DNAH14: variants seen among roughly 807,000 people sequenced by gnomAD.
The protein encoded by DNAH14 is axonemal beta dynein heavy chain 14.
DNAH14 carries 478 observed loss-of-function variants against 520.9 expected under a neutral mutation model. That is an observed-to-expected ratio of 0.92 (90% CI 0.85 to 0.99). The LOEUF (loss-of-function observed/expected upper bound fraction) is 0.99, where lower values mean the gene tolerates loss of function less well. DNAH14 is among the 50% of genes least tolerant of loss of function. The probability of loss-of-function intolerance (pLI) is 0.00; values close to 1 mark genes in which losing one functional copy is unlikely to be tolerated. For missense variants in DNAH14, 4,831 were observed against 5,234.5 expected (o/e 0.92, Z 2.38); for synonymous variants, 1,581 against 1,757.2 (o/e 0.90, Z 2.51).
chr1:225,197,836 T>A lies in DNAH14; in HGVS notation c.5886+4925T>A, dbSNP rs950677366. 1.2e-4 allele frequency among the ~76,000 whole-genome samples: 19 copies of A among 152,322 alleles called. No homozygotes were observed. The East Asian group carries it at 1.5e-3, about 12-fold the overall frequency. Reference sequence around the variant, plus strand: ...TTGAGTTCTTGATTTGATTCTCAGCTTGGTTACTGTTGGTGTATAGAAGAG... The same window carrying A: ...TTGAGTTCTTGATTTGATTCTCAGCATGGTTACTGTTGGTGTATAGAAGAG... On this transcript the variant is annotated intron_variant, in intron 38 of 85. Transcript: ENST00000682510.
chr1:225,018,993 T>G (rs2065436763), intron 10 of DNAH14, among the ~76,000 whole-genome samples: 1 of 152,126 alleles, frequency 6.6e-6, no homozygotes, highest in African/African-American at 2.4e-5. Context: ...CCATTGACAT[T>G]TTAACACAAC....
chr1:225,321,892 G>T (rs539868577), intron 61 of DNAH14, among the ~76,000 whole-genome samples: 63 of 152,152 alleles, frequency 4.1e-4, no homozygotes, highest in Non-Finnish European at 8.5e-4. Context: ...AAGAAGAAAT[G>T]AGAGCATGTG....
Position 225,335,355 on chromosome 1 carries a change from A to G in DNAH14, c.10080+1849A>G, listed in dbSNP as rs1377507875. 2.8e-5 allele frequency among the ~76,000 whole-genome samples: 2 copies of G among 72,714 alleles called. 1 individual carries two copies. The highest frequency in any genetic ancestry group is 5.6e-5 in the Non-Finnish European group (2 of 35,704). 47.7% of individuals were successfully genotyped at this position (72,714 alleles called of 152,430 possible). On this transcript the variant is annotated intron_variant, in intron 66 of 85. Transcript: ENST00000682510. ...CGTGTGTACATGTGTGTGTATATGCATATACACGTGTACATGTGTGTGTAT... is the reference window on the plus strand; with the variant it reads ...CGTGTGTACATGTGTGTGTATATGCGTATACACGTGTACATGTGTGTGTAT...
chr1:225,304,576 A>T (rs935042171), intron 57 of DNAH14, among the ~76,000 whole-genome samples: 2 of 152,154 alleles, frequency 1.3e-5, no homozygotes, highest in African/African-American at 2.4e-5. Context: ...AATAAATAAA[A>T]AATTTAAAGA....
chr1:225,149,811 G>C (rs1285709964), intron 31 of DNAH14, among the ~76,000 whole-genome samples: 1 of 150,942 alleles, frequency 6.6e-6, no homozygotes, highest in Non-Finnish European at 1.5e-5. Flanking sequence ...CCATGATGAT[G>C]GGTTTTTCTA....
intron 8 of DNAH14, 124 bp from the exon 9 acceptor site, chr1:225,002,659 A>G: frequency 1.1e-6 from 1 of 931,868 alleles, no homozygotes; most frequent in Non-Finnish European, 1.6e-6. Context: ...ATTATCGTTT[A>G]AAATGGGGTA....
At chr1:225,165,542 G>A (rs1011614107) in intron 35 of DNAH14, among the ~76,000 whole-genome samples, 2 of 148,508 alleles carry the variant, frequency 1.3e-5, no homozygotes, top group Non-Finnish European at 3.0e-5. Context: ...GGATTTTATA[G>A]ATTTTGTTTT....
rs1038034024 is a variant in DNAH14 at position 225,187,885 on chromosome 1, G to A, written c.5670+2460G>A. On this transcript the variant is annotated intron_variant, in intron 37 of 85. Coordinates refer to ENST00000682510, the MANE Select transcript of DNAH14 (RefSeq NM_001367479.1). ...ATCTGCAAATTTTTTTTCCTGTTTT[G>A]TGAGTTCTCTTTTCCCTTTCTTGAT... Among the ~76,000 whole-genome samples the A allele has an allele frequency of 3.3e-5, 5 of 151,506 alleles. No homozygotes were observed. In the East Asian group the frequency reaches 9.7e-4, roughly 29 times the overall value.
rs2073695507 is a variant in DNAH14, at chr1:225,085,795, T to C, written c.3573+6T>C. On this transcript the variant is annotated splice_donor_region_variant and intron_variant, in intron 21 of 85. Transcript: ENST00000682510. ...CCCACATTGGGCCCATTAAGGTAAG[T>C]ATTATGGCAAAGGAAAAATGTTTTC... 1 of 1,506,552 alleles carries C rather than the reference T, an allele frequency of 6.6e-7. No homozygotes were observed. The highest frequency in any genetic ancestry group is 1.3e-5 in the South Asian group (1 of 76,642). The allele number at this position is 1,506,552 out of a possible 1,614,324, so 93.3% of individuals were successfully genotyped here.
In DNAH14 at chr1:225,290,645, GTGTATATATATATATA is replaced by G. The variant is rs1445607182; in HGVS notation, c.8469+565_8469+580del. 3.0e-4 allele frequency among the ~76,000 whole-genome samples: 12 copies of G among 40,582 alleles called. No individual in the cohort carries two copies. In the South Asian group the frequency reaches 4.9e-3, roughly 16 times the overall value. The allele number at this position is 40,582 out of a possible 152,430, so 26.6% of individuals were successfully genotyped here. A position where few individuals can be genotyped will look rare whatever the true frequency, so the allele number is the denominator to read the frequency against. On this transcript the variant is annotated intron_variant, in intron 55 of 85. Transcript: ENST00000682510. ...TGTATAGATATATGTGTGTGTGTGT[GTGTATATATATATATA>G]TATATATATATATATATATATATAT...
At chr1:225,288,861 G>T (rs2093804734) in intron 54 of DNAH14, among the ~76,000 whole-genome samples, 1 of 152,100 alleles carries the variant, frequency 6.6e-6, no homozygotes, top group Admixed American at 6.6e-5. Flanking sequence ...CAGTGCTTGT[G>T]GGAATGTAAA....
At chr1:225,364,962 T>C (rs191082017) in intron 76 of DNAH14, 68 bp downstream of exon 76, 97 of 1,114,342 alleles carry the variant, frequency 8.7e-5, no homozygotes, top group Non-Finnish European at 1.1e-4. Context: ...TCATCTTACA[T>C]TCAAAACTCT....
At chr1:225,355,634 C>A (rs1169443529) in intron 73 of DNAH14, among the ~76,000 whole-genome samples, 1 of 151,910 alleles carries the variant, frequency 6.6e-6, no homozygotes, top group Admixed American at 6.6e-5. Context: ...AGTTTTTAAG[C>A]AAAAATAACT....
At chr1:225,234,534 T>C (rs1261078556) in intron 42 of DNAH14, among the ~76,000 whole-genome samples, 1 of 152,208 alleles carries the variant, frequency 6.6e-6, no homozygotes, top group Non-Finnish European at 1.5e-5. Context: ...TCAGGCTCTT[T>C]TTTGGTTCCA....
In DNAH14 at chr1:225,346,065, T is replaced by A. The variant is rs1316212762; in HGVS notation, c.10782T>A (p.Ser3594Arg). 1.9e-6 allele frequency: 3 copies of A among 1,551,586 alleles called. No individual in the cohort carries two copies. The South Asian group carries it at 3.6e-5, about 18-fold the overall frequency. The change falls in exon 70 of 86, where the codon AGT (serine) becomes AGA (arginine). Residue 3594 changes from serine (S) to arginine (R), a missense_variant. Transcript: ENST00000682510. ...KRIEATKKAE[S>R]EIQAIRKNYL... The stretch of plus-strand genomic sequence containing the variant: ...TCGAAGCAACAAAAAAAGCTGAAAG[T>A]GAAATCCAAGCAATACGTAAAAACT...
At position 225,289,968 on chromosome 1, in the gene DNAH14, A is replaced by G. The variant is rs1008466722; in HGVS notation, c.8355A>G (p.Ile2785Met). Residue 2785 changes from isoleucine to methionine, a missense_variant, in exon 55 of 86, where the codon ATA (isoleucine) becomes ATG (methionine). Ile to Met is a conservative substitution (Grantham distance 10). Transcript: ENST00000682510. ...LTDNKLYRVP[I>M]SHKCAYIEFK... ...ATAATAAACTATACCGAGTGCCTATATCTCACAAATGTGCCTACATCGAAT... is the reference window on the plus strand; with the variant it reads ...ATAATAAACTATACCGAGTGCCTATGTCTCACAAATGTGCCTACATCGAAT... The G allele has an allele frequency of 6.5e-7, 1 of 1,542,630 alleles. No homozygotes were observed. Among genetic ancestry groups the G allele is most frequent in the African/African-American group, 1.4e-5 (1 of 72,834 alleles).
chr1:225,094,220 T>C (rs2074674280), intron 21 of DNAH14, among the ~76,000 whole-genome samples: 1 of 152,050 alleles, frequency 6.6e-6, no homozygotes, highest in African/African-American at 2.4e-5. Flanking sequence ...TCACCTAACT[T>C]CAAACTATAC....
chr1:225,219,304 A>T (rs1193923138), intron 41 of DNAH14, among the ~76,000 whole-genome samples: 1 of 152,182 alleles, frequency 6.6e-6, no homozygotes, highest in East Asian at 1.9e-4. Context: ...GAAGACAAGA[A>T]ATAACTAAGA....
At chr1:224,968,266 A>AT (rs749281188) in intron 6 of DNAH14, among the ~76,000 whole-genome samples, 1 of 152,050 alleles carries the variant, frequency 6.6e-6, no homozygotes, top group Non-Finnish European at 1.5e-5. Flanking sequence ...TCTGGAATAA[A>AT]TTTTTTTATG....
Sources: allele counts gnomAD v4.1 joint callset (sites outside exome capture counted in the v4.1 genomes callset), GRCh38; gene constraint gnomAD v4.1.1; transcripts MANE v1.5; gene names NCBI Gene and HGNC (gene_info 2026-07-23, HGNC 2026-07-21).